Variants in NIN observed in about 807,000 individuals in gnomAD.
NIN encodes ninein.
Under a neutral mutation model 257.6 loss-of-function variants are expected in NIN, and 137 were observed. The ratio of observed to expected loss-of-function variants is 0.53; its 90% confidence interval spans 0.46 to 0.61. NIN has a LOEUF of 0.61. NIN is among the 20% of genes least tolerant of loss of function. The pLI is 0.00. For synonymous variants in NIN, 918 were observed against 919.8 expected (o/e 1.00, Z 0.04); for missense variants, 2,439 against 2,501.2 (o/e 0.98, Z 0.53).
At chr14:50,778,214 G>A (rs1430236349) in intron 6 of NIN, among the ~76,000 whole-genome samples, 10 of 152,130 alleles carry the variant, frequency 6.6e-5, no homozygotes, top group Admixed American at 6.5e-4. Flanking sequence ...AGTCTCTTCT[G>A]TTATCCAAGC....
chr14:50,811,674 C>T (rs1176191313), intron 3 of NIN, among the ~76,000 whole-genome samples: 3 of 147,330 alleles, frequency 2.0e-5, no homozygotes, highest in African/African-American at 7.5e-5. Flanking sequence ...CCAAAGCGGG[C>T]TGATTGCCTG....
At chr14:50,756,326 G>T (rs1011352080) in intron 18 of NIN, among the ~76,000 whole-genome samples, 166 bp downstream of exon 18, 3 of 152,122 alleles carry the variant, frequency 2.0e-5, no homozygotes, top group Admixed American at 2.0e-4. Flanking sequence ...CCTAAACAAG[G>T]TTATTTTATT....
chr14:50,757,504 A>C lies in NIN; in HGVS notation c.3526T>G (p.Ser1176Ala). 1 of 1,613,956 alleles carries C rather than the reference A, an allele frequency of 6.2e-7. No homozygotes were observed. The highest frequency in any genetic ancestry group is 8.5e-7 in the Non-Finnish European group (1 of 1,179,978). Reference protein sequence around the residue: ...QEVKIEESEASVEGFSELENS... With the variant: ...QEVKIEESEAAVEGFSELENS... ...TCAAGCTCAGAAAAACCCTCTACTG[A>C]AGCTTCAGACTCCTCTATTTTGACT... Residue 1176 changes from serine to alanine, a missense_variant, in exon 18 of 31, where the codon TCA (serine) becomes GCA (alanine). This residue lies in a region of NIN where 2,043 missense variants were observed against 2,050.2 expected (regional missense o/e 1.00). Coordinates refer to ENST00000530997, the MANE Select transcript of NIN (RefSeq NM_020921.4).
intron 4 of NIN, among the ~76,000 whole-genome samples, chr14:50,799,947 C>G (rs1274407306): frequency 6.6e-6 from 1 of 151,568 alleles, no homozygotes; most frequent in African/African-American, 2.4e-5. Context: ...TGCATTCCAG[C>G]TTGGGCAACA....
intron 17 of NIN, among the ~76,000 whole-genome samples, chr14:50,759,643 G>A (rs961232098): frequency 1.3e-5 from 2 of 152,206 alleles, no homozygotes; most frequent in African/African-American, 2.4e-5. Context: ...ACAGGCGCCC[G>A]CCACCACGCC....
At chr14:50,818,551 T>A (rs1029251488) in intron 3 of NIN, among the ~76,000 whole-genome samples, 1 of 152,174 alleles carries the variant, frequency 6.6e-6, no homozygotes, top group African/African-American at 2.4e-5. Flanking sequence ...ATTACCCGAC[T>A]AGATTGTAAG....
At chr14:50,765,380 T>G (rs909435104) in intron 14 of NIN, among the ~76,000 whole-genome samples, 8 of 152,346 alleles carry the variant, frequency 5.3e-5, no homozygotes, top group African/African-American at 1.9e-4. Flanking sequence ...AAAATTTAAT[T>G]ATAAAAGCAG....
intron 2 of NIN, among the ~76,000 whole-genome samples, chr14:50,828,035 A>G (rs914121458): frequency 4.0e-5 from 6 of 151,860 alleles, no homozygotes; most frequent in Admixed American, 1.3e-4. Flanking sequence ...CACAATGTGC[A>G]TTCAGTAACC....
Position 50,744,346 on chromosome 14 carries a change from A to T in NIN, c.5084T>A (p.Leu1695His). 1 of 1,614,020 alleles carries T rather than the reference A, an allele frequency of 6.2e-7. No homozygotes were observed. The highest frequency in any genetic ancestry group is 1.1e-5 in the South Asian group (1 of 91,072). The change falls in exon 23 of 31, where the codon CTC (leucine) becomes CAC (histidine). Residue 1695 changes from leucine to histidine, a missense_variant. By Grantham distance (99) the Leu-to-His change is moderately conservative. Coordinates refer to ENST00000530997, the MANE Select transcript of NIN (RefSeq NM_020921.4). ...AGAGATTTTTTGCTGGAAGTCAGAG[A>T]GATCGGGACATCTGTGCAGCTGTAA... Reference protein sequence around the residue: ...KMKQLHRCPDLSDFQQKISSV... With the variant: ...KMKQLHRCPDHSDFQQKISSV...
chr14:50,804,667 G>A (rs757757171), intron 4 of NIN, among the ~76,000 whole-genome samples: 10 of 152,074 alleles, frequency 6.6e-5, no homozygotes, highest in Non-Finnish European at 1.5e-4. Context: ...TCCTGGCTGG[G>A]ACCAAGCTCA....
At position 50,758,605 on chromosome 14, in the gene NIN, T is replaced by C. The variant is rs367954416; in HGVS notation, c.2425A>G (p.Arg809Gly). Residue 809 changes from arginine (R) to glycine (G), a missense_variant, in exon 18 of 31, where the codon AGA (arginine) becomes GGA (glycine). Around this residue, in one of 3 missense-constraint regions of NIN, gnomAD observed 2,043 missense variants for 2,050.2 expected, o/e 1.00. Coordinates refer to ENST00000530997, the MANE Select transcript of NIN (RefSeq NM_020921.4). ...GREKMETECN[R>G]RTSQIEAQFQ... ...TGGGCTTCTATTTGAGAGGTTCTTCTATTACACTCTGTTTCCATTTTTTCC... is the reference window on the plus strand; with the variant it reads ...TGGGCTTCTATTTGAGAGGTTCTTCCATTACACTCTGTTTCCATTTTTTCC... 5.5e-5 allele frequency: 86 copies of C among 1,572,578 alleles called. No homozygotes were observed. Among genetic ancestry groups the C allele is most frequent in the Non-Finnish European group, 7.1e-5 (82 of 1,161,330 alleles).
intron 5 of NIN, 140 bp downstream of exon 5, chr14:50,792,572 T>C: frequency 1.2e-6 from 1 of 823,750 alleles, no homozygotes; most frequent in Non-Finnish European, 1.9e-6. Context: ...AAAAGGCAAG[T>C]AATAAGATTA....
intron 6 of NIN, 78 bp from the exon 7 acceptor site, chr14:50,777,217 T>G (rs2042957724): frequency 8.5e-7 from 1 of 1,176,682 alleles, no homozygotes; most frequent in Non-Finnish European, 1.2e-6. Context: ...AAAACTGTGC[T>G]TTTTGAAAAT....
rs766447980 is a variant in NIN, at chr14:50,744,241, A to G, written c.5187+2T>C. 1.2e-6 allele frequency: 2 copies of G among 1,613,390 alleles called. No individual in the cohort carries two copies. Among genetic ancestry groups the G allele is most frequent in the South Asian group, 1.1e-5 (1 of 91,026 alleles). On this transcript the variant is annotated splice_donor_variant, in intron 23 of 30. Transcript: ENST00000530997. LOFTEE classifies it high-confidence loss of function. The stretch of plus-strand genomic sequence containing the variant: ...ATGGTAAAGTCTTATTACTTCTACT[A>G]CCTTATCGACACAGCTATTTAATTC...
chr14:50,802,130 C>A (rs142239138), intron 4 of NIN, among the ~76,000 whole-genome samples: 26 of 152,104 alleles, frequency 1.7e-4, no homozygotes, highest in Admixed American at 1.4e-3. Flanking sequence ...CTCTCCTATT[C>A]CAGAAAAATA....
intron 3 of NIN, among the ~76,000 whole-genome samples, chr14:50,807,088 G>T (rs771381832): frequency 6.6e-6 from 1 of 152,148 alleles, no homozygotes; most frequent in Non-Finnish European, 1.5e-5. Flanking sequence ...CTCAGAAAAA[G>T]ATATATTTTA....
intron 3 of NIN, among the ~76,000 whole-genome samples, chr14:50,813,458 G>A (rs1329677781): frequency 4.6e-5 from 7 of 152,208 alleles, no homozygotes; most frequent in Non-Finnish European, 5.9e-5. Context: ...TAAATTAAGA[G>A]GAAGACCAGT....
At position 50,783,807 on chromosome 14, in the gene NIN, C is replaced by T. The variant is rs1217808102; in HGVS notation, c.436-5003G>A. ...AAATCATTCAGTTACTGGAACGCCA[C>T]CAGTAAAGGGAGGCATCATTCTGGA... On this transcript the variant is annotated intron_variant, in intron 5 of 30. Coordinates refer to ENST00000530997, the MANE Select transcript of NIN (RefSeq NM_020921.4). Among the ~76,000 whole-genome samples the T allele has an allele frequency of 3.3e-5, 5 of 152,050 alleles. No individual in the cohort carries two copies. The South Asian group carries it at 6.2e-4, about 19-fold the overall frequency.
In NIN at chr14:50,729,820, C is replaced by A. The variant is rs1219298151; in HGVS notation, c.5878-97G>T. The A allele has an allele frequency of 1.3e-5, 12 of 895,408 alleles. No homozygotes were observed. In the East Asian group the frequency reaches 2.2e-4, roughly 16 times the overall value. 55.5% of individuals were successfully genotyped at this position (895,408 alleles called of 1,614,324 possible). A position where few individuals can be genotyped will look rare whatever the true frequency, so the allele number is the denominator to read the frequency against. On this transcript the variant is annotated intron_variant, in intron 28 of 30. Transcript: ENST00000530997. ...CAGTGAGTAATGAAGACTATTAATT[C>A]ATTAATAACCCCAGACCCACTGAAA...
Sources: gnomAD v4.1 joint callset for allele counts (sites outside exome capture counted in the v4.1 genomes callset) on GRCh38, gnomAD v4.1.1 for gene constraint, gnomAD v4.1.1 regional missense constraint, MANE v1.5 for transcripts, NCBI Gene and HGNC (gene_info 2026-07-23, HGNC 2026-07-21) for gene names.